ZEB2: variants seen among roughly 807,000 people sequenced by gnomAD.
The protein encoded by ZEB2 is zinc finger E-box-binding homeobox 2.
In ZEB2, 6 loss-of-function variants were observed where a neutral mutation model predicts 99.9. The observed-to-expected ratio is 0.06, with a 90% CI of 0.03 to 0.12. The LOEUF (loss-of-function observed/expected upper bound fraction) is 0.12. Ranked by LOEUF, ZEB2 falls within the 10% of genes least tolerant of loss-of-function variation. The probability of loss-of-function intolerance (pLI) is 1.00; values close to 1 mark genes in which losing one functional copy is unlikely to be tolerated. For synonymous variants in ZEB2, 517 were observed against 542.5 expected, an observed-to-expected ratio of 0.95 and a Z score of 0.65; for missense variants, 969 against 1,502.8, an observed-to-expected ratio of 0.64 and a Z score of 5.87.
intron 2 of ZEB2, among the ~76,000 whole-genome samples, chr2:144,492,937 A>G (rs1015237422): frequency 1.3e-5 from 2 of 152,192 alleles, no homozygotes; most frequent in Admixed American, 1.3e-4. Context: ...GATGGGCAAG[A>G]CTGCCCTCAA....
intron 7 of ZEB2, among the ~76,000 whole-genome samples, 157 bp downstream of exon 7, chr2:144,401,042 T>A (rs1418350269): frequency 3.3e-5 from 5 of 152,242 alleles, no homozygotes; most frequent in Non-Finnish European, 5.9e-5. Context: ...GGTTGTACCA[T>A]AAGTCTCATG....
intron 2 of ZEB2, among the ~76,000 whole-genome samples, chr2:144,470,150 T>A (rs1362493480): frequency 1.3e-5 from 2 of 152,228 alleles, no homozygotes; most frequent in Non-Finnish European, 2.9e-5. Context: ...ATACATATAT[T>A]ATCTCTGAAA....
intron 2 of ZEB2, among the ~76,000 whole-genome samples, chr2:144,488,422 C>T (rs1704628966): frequency 1.3e-5 from 2 of 152,078 alleles, no homozygotes; most frequent in Non-Finnish European, 2.9e-5. Context: ...AATCAAAACA[C>T]ATAGAGTAAT....
At chr2:144,490,365 C>T (rs1704660125) in intron 2 of ZEB2, among the ~76,000 whole-genome samples, 1 of 152,112 alleles carries the variant, frequency 6.6e-6, no homozygotes. Flanking sequence ...ATTAATATCA[C>T]CACTGTCATT....
chr2:144,513,154 G>C (rs1203717009), intron 2 of ZEB2: 14 of 1,285,896 alleles, frequency 1.1e-5, no homozygotes, highest in Non-Finnish European at 1.4e-5. Context: ...TTTCATTTAA[G>C]CATCTCTGAA....
intron 2 of ZEB2, chr2:144,430,433 T>TA (rs1158609322): frequency 4.4e-6 from 1 of 227,676 alleles, no homozygotes; most frequent in Non-Finnish European, 9.7e-6. Flanking sequence ...GTACTATAAA[T>TA]ACGAGATGAC....
chr2:144,517,254 AG>A (rs1319079278), intron 2 of ZEB2, 23 bp downstream of exon 2: 3 of 1,612,710 alleles, frequency 1.9e-6, no homozygotes, highest in Non-Finnish European at 2.5e-6. Context: ...GGCCCGGAAA[AG>A]TTTGGTTCGG....
chr2:144,398,897 A>G lies in ZEB2; in HGVS notation c.2290T>C (p.Ser764Pro), dbSNP rs2149876703. ...CDPPLRLTKP[S>P]HFTNIKPVEK... Reference sequence around the variant, plus strand: ...ACTGGTTTAATATTGGTAAAATGGGAAGGTTTTGTTAGCCTGAGAGGAGGA... The same window carrying G: ...ACTGGTTTAATATTGGTAAAATGGGGAGGTTTTGTTAGCCTGAGAGGAGGA... The change falls in exon 8 of 10, where the codon TCC becomes CCC. Residue 764 changes from serine to proline, a missense_variant. This residue lies in a region of ZEB2 where 346 missense variants were observed against 460.0 expected (regional missense o/e 0.75). Coordinates refer to ENST00000627532, the MANE Select transcript of ZEB2 (RefSeq NM_014795.4). The G allele has an allele frequency of 1.9e-6, 3 of 1,614,094 alleles. No individual in the cohort carries two copies. The South Asian group carries it at 3.3e-5, about 18-fold the overall frequency.
intron 2 of ZEB2, among the ~76,000 whole-genome samples, chr2:144,478,103 A>G (rs968890278): frequency 1.3e-5 from 2 of 152,188 alleles, no homozygotes; most frequent in Non-Finnish European, 2.9e-5. Flanking sequence ...CGGCTCACTC[A>G]TGCACAAGAA....
chr2:144,395,167 T>A (rs948303552), intron 9 of ZEB2, among the ~76,000 whole-genome samples: 2 of 151,940 alleles, frequency 1.3e-5, no homozygotes, highest in Admixed American at 6.6e-5. Flanking sequence ...AGCTAATTTT[T>A]AAAAAATATT....
chr2:144,391,615 G>A (rs1315758017), intron 9 of ZEB2, among the ~76,000 whole-genome samples: 5 of 152,192 alleles, frequency 3.3e-5, no homozygotes, highest in African/African-American at 4.8e-5. Context: ...GAAAGACACC[G>A]TGGTAGGAAG....
chr2:144,468,563 A>G (rs1230908847), intron 2 of ZEB2, among the ~76,000 whole-genome samples: 3 of 151,904 alleles, frequency 2.0e-5, no homozygotes, highest in Non-Finnish European at 4.4e-5. Context: ...TTTTTAGGAG[A>G]TGCTTTGATT....
At chr2:144,418,424 C>T (rs1294895254) in intron 4 of ZEB2, among the ~76,000 whole-genome samples, 2 of 152,194 alleles carry the variant, frequency 1.3e-5, no homozygotes, top group African/African-American at 4.8e-5. Flanking sequence ...CCTGGTGGCT[C>T]ATGCCTGTAA....
At chr2:144,515,105 A>G (rs1353873924) in intron 2 of ZEB2, among the ~76,000 whole-genome samples, 2 of 152,202 alleles carry the variant, frequency 1.3e-5, no homozygotes, top group Non-Finnish European at 2.9e-5. Flanking sequence ...AGGAGGTGGA[A>G]GGAGGAAGGC....
At chr2:144,416,951 T>C (rs996760381) in intron 4 of ZEB2, among the ~76,000 whole-genome samples, 1 of 152,226 alleles carries the variant, frequency 6.6e-6, no homozygotes, top group African/African-American at 2.4e-5. Flanking sequence ...CCAGATGATA[T>C]TATAATCAAT....
intron 4 of ZEB2, among the ~76,000 whole-genome samples, chr2:144,408,920 C>G (rs1242761260): frequency 1.3e-5 from 2 of 148,228 alleles, no homozygotes; most frequent in Non-Finnish European, 3.0e-5. Flanking sequence ...GACTTTGTTC[C>G]AGAAAAAGCA....
At chr2:144,400,408 A>G in intron 7 of ZEB2, 138 bp from the exon 8 acceptor site, 1 of 940,174 alleles carries the variant, frequency 1.1e-6, no homozygotes, top group Non-Finnish European at 1.6e-6. Flanking sequence ...TTAGATTAGA[A>G]TTATGTGACC....
chr2:144,511,402 C>A, intron 2 of ZEB2: 1 of 1,213,912 alleles, frequency 8.2e-7, no homozygotes, highest in African/African-American at 1.6e-5. Flanking sequence ...AAATGAAATC[C>A]TTTATTTACT....
chr2:144,503,602 C>CG (rs1704905476), intron 2 of ZEB2: 1 of 151,448 alleles, frequency 6.6e-6, no homozygotes, highest in Non-Finnish European at 1.5e-5. Context: ...TTAGAAGAGA[C>CG]GGGGAAGGAT....
Sources: gnomAD v4.1 joint callset for allele counts (sites outside exome capture counted in the v4.1 genomes callset) on GRCh38, gnomAD v4.1.1 for gene constraint, gnomAD v4.1.1 regional missense constraint, MANE v1.5 for transcripts, NCBI Gene and HGNC (gene_info 2026-07-23, HGNC 2026-07-21) for gene names.